The following FRS2 variants were observed in gnomAD, a reference collection of about 807,000 sequenced individuals.
FRS2 encodes the protein FGFR signalling adaptor.
Under a neutral mutation model 43.9 loss-of-function variants are expected in FRS2, and 8 were observed. That is an observed-to-expected ratio of 0.18 (90% CI 0.11 to 0.33). The LOEUF (loss-of-function observed/expected upper bound fraction) is 0.33, where lower values mean the gene tolerates loss of function less well. FRS2 is among the 10% of genes least tolerant of loss of function. The pLI is 1.00. For missense variants in FRS2, 534 were observed against 627.6 expected (o/e 0.85, Z 1.59); for synonymous variants, 219 against 220.3 (o/e 0.99, Z 0.05).
chr12:69,531,544 G>A (rs1284033580), intron 2 of FRS2, among the ~76,000 whole-genome samples: 1 of 151,974 alleles, frequency 6.6e-6, no homozygotes, highest in Admixed American at 6.6e-5. Context: ...AGTATGGGGT[G>A]TCTTATTGGA....
chr12:69,544,253 C>T (rs1214272416), intron 3 of FRS2, among the ~76,000 whole-genome samples: 3 of 151,948 alleles, frequency 2.0e-5, no homozygotes, highest in Admixed American at 6.6e-5. Flanking sequence ...GCGTCTTATT[C>T]CTGGAATGCA....
At chr12:69,565,790 G>A (rs758392284) in intron 4 of FRS2, among the ~76,000 whole-genome samples, 2 of 151,874 alleles carry the variant, frequency 1.3e-5, no homozygotes, top group Non-Finnish European at 2.9e-5. Flanking sequence ...AATACCTCCT[G>A]AAGGACTTGC....
intron 3 of FRS2, among the ~76,000 whole-genome samples, chr12:69,537,374 C>A (rs1173244776): frequency 6.6e-6 from 1 of 151,634 alleles, no homozygotes; most frequent in East Asian, 1.9e-4. Flanking sequence ...TTTAGAATTT[C>A]CTTTAGTGAA....
chr12:69,475,330 G>A (rs1318877788), intron 1 of FRS2, among the ~76,000 whole-genome samples: 2 of 152,032 alleles, frequency 1.3e-5, no homozygotes, highest in East Asian at 3.9e-4. Context: ...TGGGAATGTC[G>A]AAAGAGTCCT....
intron 3 of FRS2, among the ~76,000 whole-genome samples, chr12:69,534,501 A>G (rs1468236872): frequency 1.3e-5 from 2 of 152,174 alleles, no homozygotes; most frequent in Admixed American, 6.5e-5. Context: ...CCCAATTTGA[A>G]GAACAAGCAT....
intron 3 of FRS2, among the ~76,000 whole-genome samples, chr12:69,560,815 T>C (rs1001985022): frequency 1.4e-4 from 21 of 152,348 alleles, no homozygotes; most frequent in African/African-American, 5.1e-4. Flanking sequence ...TTATATATAA[T>C]GTTTTTAAGA....
At chr12:69,489,314 C>T (rs1872237712) in intron 1 of FRS2, among the ~76,000 whole-genome samples, 1 of 152,190 alleles carries the variant, frequency 6.6e-6, no homozygotes. Flanking sequence ...TCATTTTGCT[C>T]CTTGGTTCTT....
At position 69,577,933 on chromosome 12, in the gene FRS2, C is replaced by T. The variant is rs710755; in HGVS notation, c.*2978C>T. 79,042 of 152,276 alleles carry T rather than the reference C, an allele frequency of 0.52. 23,672 individuals carry two copies. The highest frequency in any genetic ancestry group is 0.82 in the African/African-American group (33,926 of 41,446). 9.4% of individuals were successfully genotyped at this position (152,276 alleles called of 1,614,324 possible). ...TGTTTTTATAGATACTAATGTTGACCCTCTCCAGCGTTCAATGTTATAAAT... is the reference window on the plus strand; with the variant it reads ...TGTTTTTATAGATACTAATGTTGACTCTCTCCAGCGTTCAATGTTATAAAT... On this transcript the variant is annotated 3_prime_UTR_variant, in exon 9 of 9. Transcript: ENST00000549921.
chr12:69,529,779 G>A (rs549642319), intron 1 of FRS2, among the ~76,000 whole-genome samples: 2 of 152,206 alleles, frequency 1.3e-5, no homozygotes, highest in African/African-American at 2.4e-5. Context: ...ATACCCGTAG[G>A]CTGGATGTGG....
intron 8 of FRS2, among the ~76,000 whole-genome samples, chr12:69,573,397 G>T (rs1880925522): frequency 6.6e-6 from 1 of 152,078 alleles, no homozygotes; most frequent in African/African-American, 2.4e-5. Flanking sequence ...TCCCTATTTT[G>T]TTCCTGATTT....
intron 3 of FRS2, among the ~76,000 whole-genome samples, chr12:69,534,718 A>G (rs11177706): frequency 0.028 from 4,338 of 152,296 alleles, 205 homozygotes; most frequent in African/African-American, 0.099. Context: ...CAGCATGTAG[A>G]AACTACAAGT....
chr12:69,560,604 G>A (rs1324123281), intron 3 of FRS2, among the ~76,000 whole-genome samples: 1 of 152,076 alleles, frequency 6.6e-6, no homozygotes, highest in Non-Finnish European at 1.5e-5. Context: ...TTCCTTATTT[G>A]GAACACAGAA....
At chr12:69,557,648 A>G (rs521033) in intron 3 of FRS2, 15,584 of 142,086 alleles carry the variant, frequency 0.11, 907 homozygotes, top group Non-Finnish European at 0.14. Flanking sequence ...AGGTGCATGC[A>G]CGCTAGGATT....
At chr12:69,471,569 C>G (rs1439016358) in intron 1 of FRS2, among the ~76,000 whole-genome samples, 1 of 152,148 alleles carries the variant, frequency 6.6e-6, no homozygotes, top group Non-Finnish European at 1.5e-5. Flanking sequence ...GTGTTTACTT[C>G]GGATAAACTG....
intron 4 of FRS2, among the ~76,000 whole-genome samples, chr12:69,564,190 G>A (rs1751057492): frequency 6.6e-6 from 1 of 151,188 alleles, no homozygotes; most frequent in Non-Finnish European, 1.5e-5. Flanking sequence ...TCTCTGCCAT[G>A]GATGGTGCCC....
chr12:69,479,960 CTG>C (rs1871211521), intron 1 of FRS2, among the ~76,000 whole-genome samples: 1 of 152,050 alleles, frequency 6.6e-6, no homozygotes, highest in Non-Finnish European at 1.5e-5. Flanking sequence ...GTCTCTTAAC[CTG>C]TCTTTTATAT....
At chr12:69,570,546 T>G (rs1167889061) in intron 6 of FRS2, 29 bp downstream of exon 6, 1 of 1,394,672 alleles carries the variant, frequency 7.2e-7, no homozygotes, top group South Asian at 1.2e-5. Flanking sequence ...TTCCCAAATA[T>G]TGTATTTGAA....
chr12:69,532,885 A>T (rs894831580), intron 3 of FRS2, among the ~76,000 whole-genome samples: 3 of 152,234 alleles, frequency 2.0e-5, no homozygotes, highest in African/African-American at 7.2e-5. Flanking sequence ...TTTAAAAACT[A>T]AGAGAATTAT....
At chr12:69,561,021 A>G (rs1879831640) in intron 3 of FRS2, among the ~76,000 whole-genome samples, 1 of 152,188 alleles carries the variant, frequency 6.6e-6, no homozygotes, top group South Asian at 2.1e-4. Flanking sequence ...GATATTTCTG[A>G]CTTAATTGGC....
Sources: gnomAD v4.1 joint callset for allele counts (sites outside exome capture counted in the v4.1 genomes callset) on GRCh38, gnomAD v4.1.1 for gene constraint, MANE v1.5 for transcripts, NCBI Gene and HGNC (gene_info 2026-07-23, HGNC 2026-07-21) for gene names.